NBAS: variants seen among roughly 807,000 people sequenced by gnomAD.
NBAS encodes the protein NBAS subunit of NRZ tethering complex, also known as NAG/BC035112 fusion.
Under a neutral mutation model 302.5 loss-of-function variants are expected in NBAS, and 219 were observed. The ratio of observed to expected loss-of-function variants is 0.72; its 90% CI spans 0.65 to 0.81. NBAS has a LOEUF of 0.81. Among genes scored for constraint, NBAS ranks in the 30% least tolerant of loss-of-function variants. NBAS has a pLI of 0.00. For missense variants in NBAS, 2,932 were observed against 2,841.6 expected (o/e 1.03, Z -0.72); for synonymous variants, 1,118 against 1,021.6 (o/e 1.09, Z -1.80).
intron 35 of NBAS, among the ~76,000 whole-genome samples, chr2:15,349,306 T>G (rs1377347188): frequency 6.6e-6 from 1 of 152,152 alleles, no homozygotes; most frequent in Non-Finnish European, 1.5e-5. Flanking sequence ...CATGGAACAT[T>G]TAGTGACCCA....
At chr2:15,111,455 G>A in the NBAS span, among the ~76,000 whole-genome samples, 1 of 152,114 alleles carries the variant, frequency 6.6e-6, no homozygotes, top group Non-Finnish European at 1.5e-5. Flanking sequence ...GCAACTGGTG[G>A]ATCTAACAAC....
chr2:15,362,037 C>G (rs759588124), intron 32 of NBAS, among the ~76,000 whole-genome samples: 4 of 150,952 alleles, frequency 2.6e-5, no homozygotes, highest in Non-Finnish European at 5.9e-5. Context: ...CCTTGATTTT[C>G]TAAGCTATAA....
At chr2:14,909,938 T>A in the NBAS span, among the ~76,000 whole-genome samples, 66 of 152,320 alleles carry the variant, frequency 4.3e-4, no homozygotes, top group East Asian at 6.6e-3. Flanking sequence ...GCTCTTGGGC[T>A]CTGTCTATTG....
At chr2:15,253,088 G>A (rs1007243307) in intron 44 of NBAS, among the ~76,000 whole-genome samples, 6 of 152,186 alleles carry the variant, frequency 3.9e-5, no homozygotes, top group Non-Finnish European at 8.8e-5. Context: ...TTAAATAAAG[G>A]CTTTTATAGA....
chr2:15,341,269 C>T (rs189619896), intron 35 of NBAS, among the ~76,000 whole-genome samples: 116 of 152,124 alleles, frequency 7.6e-4, no homozygotes, highest in African/African-American at 2.6e-3. Context: ...ACCTTTAATC[C>T]CAGCTACTAA....
chr2:15,237,069 AAG>A (rs1311114930), intron 45 of NBAS, among the ~76,000 whole-genome samples: 4 of 152,178 alleles, frequency 2.6e-5, no homozygotes, highest in Non-Finnish European at 4.4e-5. Context: ...AGAAAAATAA[AAG>A]AGGAGGTTAA....
chr2:15,536,658 T>C lies in NBAS; in HGVS notation c.514-107A>G, dbSNP rs953592861. 3.4e-5 allele frequency: 36 copies of C among 1,051,858 alleles called. 1 individual carries two copies. The highest frequency in any genetic ancestry group is 3.1e-4 in the Admixed American group (15 of 47,870). 65.2% of individuals were successfully genotyped at this position (1,051,858 alleles called of 1,614,324 possible). A position where few individuals can be genotyped will look rare whatever the true frequency, so the allele number is the denominator to read the frequency against. ...ATACACTGGCTTCAGGTACACTTTA[T>C]GTAAGATAACTTCAGAATTGCTCTG... is the stretch of plus-strand genomic sequence containing the variant. On this transcript the variant is annotated intron_variant, in intron 7 of 51. Transcript: ENST00000281513.
chr2:15,213,535 T>C (rs376394595), intron 48 of NBAS, among the ~76,000 whole-genome samples: 207 of 152,278 alleles, frequency 1.4e-3, no homozygotes, highest in African/African-American at 4.5e-3. Context: ...CAAATATCAG[T>C]GCCATATATT....
chr2:15,045,212 T>C, the NBAS span, among the ~76,000 whole-genome samples: 6 of 152,292 alleles, frequency 3.9e-5, no homozygotes, highest in Admixed American at 2.6e-4. Context: ...AAAAATACAA[T>C]GCGACATGAT....
At chr2:15,408,536 T>G (rs1331065511) in intron 25 of NBAS, among the ~76,000 whole-genome samples, 1 of 152,242 alleles carries the variant, frequency 6.6e-6, no homozygotes, top group South Asian at 2.1e-4. Context: ...ATGAAGTACA[T>G]CCTTGAATAA....
At chr2:14,796,012 T>C in the NBAS span, among the ~76,000 whole-genome samples, 4 of 152,222 alleles carry the variant, frequency 2.6e-5, no homozygotes, top group Non-Finnish European at 5.9e-5. Flanking sequence ...ATGATATAGT[T>C]TAATTTTTGT....
intron 40 of NBAS, among the ~76,000 whole-genome samples, chr2:15,302,478 T>C (rs1217627343): frequency 1.3e-5 from 2 of 152,058 alleles, no homozygotes; most frequent in Non-Finnish European, 2.9e-5. Context: ...CCTCAAGCAA[T>C]GACTCTGAAC....
the NBAS span, among the ~76,000 whole-genome samples, chr2:14,796,736 T>A: frequency 1.3e-5 from 2 of 151,878 alleles, no homozygotes; most frequent in Non-Finnish European, 2.9e-5. Context: ...TGAGAACTTC[T>A]ATTCCTGTTT....
At chr2:15,220,784 T>C (rs188794289) in intron 47 of NBAS, among the ~76,000 whole-genome samples, 3 of 152,098 alleles carry the variant, frequency 2.0e-5, no homozygotes, top group Non-Finnish European at 4.4e-5. Flanking sequence ...GGCTTTTAGC[T>C]ATAAATCACC....
In NBAS at chr2:15,536,437, G is replaced by A. The variant is rs771073928; in HGVS notation, c.628C>T (p.Leu210Phe). The stretch of plus-strand genomic sequence containing the variant: ...TTTTACCTTACAAGGTAACTTCTAA[G>A]TTCTCCTCGGTAATTGATGACCAGG... ...ELLVINYRGELRSYLVSVGTN... is the reference protein window; with the variant it reads ...ELLVINYRGEFRSYLVSVGTN... The change falls in exon 8 of 52, where the codon CTT (leucine) becomes TTT (phenylalanine). Residue 210 changes from leucine (L) to phenylalanine (F), a missense_variant. Coordinates refer to ENST00000281513, the MANE Select transcript of NBAS (RefSeq NM_015909.4). The A allele has an allele frequency of 1.2e-6, 2 of 1,613,192 alleles. No homozygotes were observed. The highest frequency in any genetic ancestry group is 1.7e-6 in the Non-Finnish European group (2 of 1,179,942).
chr2:15,068,543 A>G, the NBAS span, among the ~76,000 whole-genome samples: 3 of 152,150 alleles, frequency 2.0e-5, 1 homozygote, highest in Admixed American at 2.0e-4. Flanking sequence ...AAGCTAGTCT[A>G]TTTTCCTAGG....
chr2:14,956,934 G>A, the NBAS span, among the ~76,000 whole-genome samples: 1 of 152,160 alleles, frequency 6.6e-6, no homozygotes, highest in Non-Finnish European at 1.5e-5. Context: ...GATCTTATTT[G>A]CAGATAGGAT....
intron 21 of NBAS, among the ~76,000 whole-genome samples, chr2:15,435,193 T>A (rs1677952160): frequency 6.6e-6 from 1 of 152,238 alleles, no homozygotes; most frequent in South Asian, 2.1e-4. Context: ...GGATTTTGAA[T>A]AAAAGGATTA....
At chr2:15,331,261 A>G (rs1195833626) in intron 35 of NBAS, among the ~76,000 whole-genome samples, 2 of 152,196 alleles carry the variant, frequency 1.3e-5, no homozygotes, top group Non-Finnish European at 2.9e-5. Context: ...GTAGGTAATT[A>G]ATAGTGTTTG....
Sources: allele counts gnomAD v4.1 joint callset (sites outside exome capture counted in the v4.1 genomes callset), GRCh38; gene constraint gnomAD v4.1.1; transcripts MANE v1.5; gene names NCBI Gene and HGNC (gene_info 2026-07-23, HGNC 2026-07-21).